The following CDH18 variants were observed in gnomAD, a reference collection of about 807,000 sequenced individuals.
CDH18 encodes the protein cadherin 18.
A neutral mutation model predicts 67.9 loss-of-function variants in CDH18; 31 were observed. That is an observed-to-expected ratio of 0.46 (90% CI 0.34 to 0.62). CDH18 has a LOEUF of 0.62. Among genes scored for constraint, CDH18 ranks in the 20% least tolerant of loss-of-function variants. The probability of loss-of-function intolerance (pLI) is 0.01; values close to 1 mark genes in which losing one functional copy is unlikely to be tolerated. For synonymous variants in CDH18, 362 were observed against 347.2 expected (o/e 1.04, Z -0.48); for missense variants, 890 against 975.5 (o/e 0.91, Z 1.17).
chr5:19,500,865 T>C (rs1743114491), intron 11 of CDH18, among the ~76,000 whole-genome samples: 1 of 152,092 alleles, frequency 6.6e-6, no homozygotes. Flanking sequence ...TCACGGTAGC[T>C]CACACCTGTA....
intron 11 of CDH18, among the ~76,000 whole-genome samples, chr5:19,490,392 C>CTTT (rs1561183202): frequency 1.4e-3 from 56 of 40,282 alleles, no homozygotes; most frequent in Non-Finnish European, 1.6e-3. Flanking sequence ...ATATAAAAAT[C>CTTT]TGTTTTTTTT....
Position 19,935,314 on chromosome 5 carries a change from T to C in CDH18, c.-257+45746A>G, listed in dbSNP as rs1794116934. 2.6e-5 allele frequency among the ~76,000 whole-genome samples: 4 copies of C among 151,348 alleles called. No individual in the cohort carries two copies. The South Asian group carries it at 8.3e-4, about 31-fold the overall frequency. ...TATATTTTCTATAGACATTCTTAAG[T>C]AAGCTAGGCGATTTCAGTTACAGTT... On this transcript the variant is annotated intron_variant, in intron 2 of 12. Coordinates refer to ENST00000382275, the MANE Select transcript of CDH18 (RefSeq NM_004934.5).
intron 1 of CDH18, among the ~76,000 whole-genome samples, chr5:20,367,097 G>A (rs573887042): frequency 2.0e-5 from 3 of 152,168 alleles, no homozygotes; most frequent in East Asian, 1.9e-4. Flanking sequence ...AGATTAGCCC[G>A]ACAGCTCTCA....
At chr5:20,216,924 C>A (rs769289695) in intron 2 of CDH18, among the ~76,000 whole-genome samples, 1 of 151,772 alleles carries the variant, frequency 6.6e-6, no homozygotes, top group Admixed American at 6.6e-5. Flanking sequence ...TCCCATACAG[C>A]GGGCAGCAGC....
intron 5 of CDH18, among the ~76,000 whole-genome samples, 190 bp from the exon 6 acceptor site, chr5:19,612,791 C>T (rs960733724): frequency 1.3e-5 from 2 of 152,204 alleles, no homozygotes; most frequent in Non-Finnish European, 2.9e-5. Flanking sequence ...TTATCCCATG[C>T]CCCAAACATC....
intron 7 of CDH18, among the ~76,000 whole-genome samples, chr5:19,586,802 T>C (rs1002928365): frequency 1.3e-5 from 2 of 152,184 alleles, no homozygotes; most frequent in African/African-American, 4.8e-5. Context: ...CCAGAACGGT[T>C]GAACTAATTT....
At chr5:20,130,920 C>T (rs1484086601) in intron 2 of CDH18, among the ~76,000 whole-genome samples, 1 of 151,218 alleles carries the variant, frequency 6.6e-6, no homozygotes, top group Non-Finnish European at 1.5e-5. Flanking sequence ...TGAGATAACT[C>T]GAGGACTCTT....
intron 1 of CDH18, among the ~76,000 whole-genome samples, chr5:19,986,358 A>G (rs933529800): frequency 2.0e-5 from 3 of 152,146 alleles, no homozygotes; most frequent in Admixed American, 2.0e-4. Context: ...TCCTTCTACT[A>G]TTATATTCTC....
intron 1 of CDH18, among the ~76,000 whole-genome samples, chr5:20,546,283 T>G (rs1259239931): frequency 6.6e-6 from 1 of 152,118 alleles, no homozygotes; most frequent in East Asian, 1.9e-4. Flanking sequence ...CTTCCAAACT[T>G]TCAACTCTGC....
chr5:20,077,230 T>C (rs906429066), intron 2 of CDH18, among the ~76,000 whole-genome samples: 1 of 152,188 alleles, frequency 6.6e-6, no homozygotes, highest in Non-Finnish European at 1.5e-5. Context: ...AAGACTCCTT[T>C]ACAAAGCAAT....
chr5:20,063,046 C>A (rs1742646588), intron 2 of CDH18, among the ~76,000 whole-genome samples: 1 of 148,208 alleles, frequency 6.7e-6, no homozygotes, highest in Non-Finnish European at 1.5e-5. Context: ...TGGGGTACAC[C>A]AATATGCTTC....
intron 2 of CDH18, among the ~76,000 whole-genome samples, chr5:20,143,950 G>A (rs964095450): frequency 6.6e-6 from 1 of 152,152 alleles, no homozygotes; most frequent in Non-Finnish European, 1.5e-5. Context: ...AGTGATTCAT[G>A]AAAGGTGTGT....
intron 1 of CDH18, among the ~76,000 whole-genome samples, chr5:20,291,512 A>T (rs1747102079): frequency 6.6e-6 from 1 of 152,158 alleles, no homozygotes; most frequent in South Asian, 2.1e-4. Flanking sequence ...ATGAGGAGAA[A>T]ATCAGTTCAG....
At chr5:19,610,318 A>C (rs1251037276) in intron 6 of CDH18, among the ~76,000 whole-genome samples, 1 of 152,102 alleles carries the variant, frequency 6.6e-6, no homozygotes, top group Non-Finnish European at 1.5e-5. Context: ...ATGCTTCAAC[A>C]ATGACACTAT....
intron 2 of CDH18, among the ~76,000 whole-genome samples, chr5:20,067,793 T>C (rs1743114415): frequency 6.6e-6 from 1 of 152,118 alleles, no homozygotes; most frequent in Admixed American, 6.5e-5. Context: ...GGTCTCTGTA[T>C]ATATTAGGTA....
At chr5:19,932,010 A>G (rs755443855) in intron 2 of CDH18, among the ~76,000 whole-genome samples, 59 of 151,780 alleles carry the variant, frequency 3.9e-4, no homozygotes, top group Non-Finnish European at 7.4e-5. Flanking sequence ...TCTTCACTCA[A>G]TCTTTCACTC....
At chr5:19,837,120 G>A (rs1274770182) in intron 3 of CDH18, among the ~76,000 whole-genome samples, 2 of 152,158 alleles carry the variant, frequency 1.3e-5, no homozygotes, top group African/African-American at 4.8e-5. Flanking sequence ...GGACATGGAT[G>A]AAGCTGGAAA....
At chr5:20,305,326 G>C in intron 1 of CDH18, 1 of 1,573,000 alleles carries the variant, frequency 6.4e-7, no homozygotes, top group Non-Finnish European at 8.7e-7. Flanking sequence ...TCTGCGCTTT[G>C]CTTTCTTTAT....
chr5:19,746,880 A>C (rs1393540987), intron 4 of CDH18, 62 bp downstream of exon 4: 1 of 1,390,710 alleles, frequency 7.2e-7, no homozygotes, highest in Non-Finnish European at 1.0e-6. Flanking sequence ...TGGTATTCTA[A>C]AGATGACTTT....
Sources: allele counts gnomAD v4.1 joint callset (sites outside exome capture counted in the v4.1 genomes callset), GRCh38; gene constraint gnomAD v4.1.1; transcripts MANE v1.5; gene names NCBI Gene and HGNC (gene_info 2026-07-23, HGNC 2026-07-21).